Variants in GRIN3A observed in about 807,000 individuals in gnomAD.
GRIN3A encodes the protein glutamate receptor ionotropic, NMDA 3A.
GRIN3A carries 47 observed loss-of-function variants against 92.4 expected under a neutral mutation model. That is an observed-to-expected ratio of 0.51 (90% CI 0.40 to 0.65). The LOEUF is 0.65. GRIN3A is among the 30% of genes least tolerant of loss of function. The probability of loss-of-function intolerance (pLI) is 0.00; values close to 1 mark genes in which losing one functional copy is unlikely to be tolerated. For synonymous variants in GRIN3A, 527 were observed against 540.6 expected (o/e 0.97, Z 0.35); for missense variants, 1,324 against 1,393.1 (o/e 0.95, Z 0.79).
At chr9:101,591,742 C>T (rs1828029371) in intron 6 of GRIN3A, 1 of 152,124 alleles carries the variant, frequency 6.6e-6, no homozygotes, top group Non-Finnish European at 1.5e-5. Context: ...TTCTTTTAAC[C>T]CAAATATCCA....
Position 101,670,190 on chromosome 9 carries a change from G to C in GRIN3A, c.2222C>G (p.Thr741Ser), listed in dbSNP as rs144460934. The C allele has an allele frequency of 1.2e-5, 19 of 1,613,844 alleles. No individual in the cohort carries two copies. The African/African-American group carries it at 2.5e-4, about 22-fold the overall frequency. The change falls in exon 3 of 9, where the codon ACT (threonine) becomes AGT (serine). Residue 741 changes from threonine (T) to serine (S), a missense_variant. Transcript: ENST00000361820. ...CCAAAGGTTCATTAGAAACCTTCCAGTCCAACATTTTGGAGGTTTGATGGC... is the reference window on the plus strand; with the variant it reads ...CCAAAGGTTCATTAGAAACCTTCCACTCCAACATTTTGGAGGTTTGATGGC... ...TVAIKPPKCW[T>S]GRFLMNLWAI...
intron 2 of GRIN3A, among the ~76,000 whole-genome samples, chr9:101,677,308 G>A (rs1252961383): frequency 6.6e-6 from 1 of 151,392 alleles, no homozygotes; most frequent in Non-Finnish European, 1.5e-5. Flanking sequence ...CTGGCATGTG[G>A]GTTAATCTAC....
intron 6 of GRIN3A, chr9:101,592,599 G>C (rs191382771): frequency 7.2e-5 from 11 of 152,308 alleles, no homozygotes; most frequent in Admixed American, 2.6e-4. Flanking sequence ...GATCACCACA[G>C]GGTTGGGAGC....
chr9:101,651,850 C>G (rs1354656380), intron 3 of GRIN3A, among the ~76,000 whole-genome samples: 1 of 151,902 alleles, frequency 6.6e-6, no homozygotes, highest in Non-Finnish European at 1.5e-5. Context: ...ATCCTGAATG[C>G]TATAAATGTT....
intron 3 of GRIN3A, among the ~76,000 whole-genome samples, chr9:101,634,556 G>A (rs1828759178): frequency 6.6e-6 from 1 of 151,700 alleles, no homozygotes; most frequent in African/African-American, 2.4e-5. Flanking sequence ...TGTGATTCGG[G>A]GAGATTAAAC....
At chr9:101,658,003 T>G (rs987859039) in intron 3 of GRIN3A, among the ~76,000 whole-genome samples, 5 of 151,986 alleles carry the variant, frequency 3.3e-5, no homozygotes, top group African/African-American at 1.2e-4. Flanking sequence ...GAGCAGCTTT[T>G]GCAGCCTAAG....
chr9:101,706,578 G>A (rs1473002656), intron 1 of GRIN3A, among the ~76,000 whole-genome samples: 3 of 152,220 alleles, frequency 2.0e-5, no homozygotes, highest in African/African-American at 7.2e-5. Flanking sequence ...TGACATTACT[G>A]CATTTGATTT....
chr9:101,582,918 G>A (rs571770666), intron 6 of GRIN3A, among the ~76,000 whole-genome samples: 10 of 152,176 alleles, frequency 6.6e-5, no homozygotes, highest in East Asian at 3.9e-4. Context: ...CAAATAGGCC[G>A]TATTGTTTAT....
intron 3 of GRIN3A, among the ~76,000 whole-genome samples, chr9:101,642,923 G>A (rs1828885767): frequency 6.6e-6 from 1 of 152,222 alleles, no homozygotes; most frequent in East Asian, 1.9e-4. Context: ...AGGAAAATAA[G>A]CTCAGGGCTC....
intron 5 of GRIN3A, among the ~76,000 whole-genome samples, chr9:101,619,942 T>C (rs1828526658): frequency 6.6e-6 from 1 of 152,238 alleles, no homozygotes; most frequent in Admixed American, 6.5e-5. Context: ...TGCTTTCGCA[T>C]CCTTAATAGT....
At chr9:101,611,436 A>G (rs758532993) in intron 6 of GRIN3A, among the ~76,000 whole-genome samples, 9 of 152,092 alleles carry the variant, frequency 5.9e-5, no homozygotes, top group Non-Finnish European at 1.0e-4. Flanking sequence ...TTCACTAACT[A>G]CATTTTCAAA....
Position 101,670,356 on chromosome 9 carries a change from G to T in GRIN3A, c.2056C>A (p.His686Asn). ...AGAGTGAGGAAGACGGCAGTGATGTGCAGAGCCACAAAAATCCCCAGCCAC... is the reference window on the plus strand; with the variant it reads ...AGAGTGAGGAAGACGGCAGTGATGTTCAGAGCCACAAAAATCCCCAGCCAC... ...TMWLGIFVAL[H>N]ITAVFLTLYE... Residue 686 changes from histidine (H) to asparagine (N), a missense_variant, in exon 3 of 9, where the codon CAC becomes AAC. Transcript: ENST00000361820. 1 of 1,614,018 alleles carries T rather than the reference G, an allele frequency of 6.2e-7. No individual in the cohort carries two copies. The highest frequency in any genetic ancestry group is 8.5e-7 in the Non-Finnish European group (1 of 1,179,958).
rs189749412 is a variant in GRIN3A at position 101,569,438 on chromosome 9, G to A, written c.*3736C>T. 38 of 152,322 alleles carry A rather than the reference G, an allele frequency of 2.5e-4. No homozygotes were observed. Among genetic ancestry groups the A allele is most frequent in the African/African-American group, 8.4e-4 (35 of 41,560 alleles). 9.4% of individuals were successfully genotyped at this position (152,322 alleles called of 1,614,324 possible). On this transcript the variant is annotated 3_prime_UTR_variant, in exon 9 of 9. Coordinates refer to ENST00000361820, the MANE Select transcript of GRIN3A (RefSeq NM_133445.3). ...GGACATCTAATCCATCCATGTGGTT[G>A]TACAAGAAAAGTGGCTGGAGCAAAA...
intron 1 of GRIN3A, among the ~76,000 whole-genome samples, chr9:101,720,276 A>T (rs575297735): frequency 1.3e-5 from 2 of 152,332 alleles, no homozygotes; most frequent in South Asian, 4.1e-4. Context: ...TATTTTTAAA[A>T]TTTGAATTTA....
chr9:101,596,466 C>A (rs1006749222), intron 6 of GRIN3A, among the ~76,000 whole-genome samples: 6 of 152,296 alleles, frequency 3.9e-5, no homozygotes, highest in African/African-American at 1.4e-4. Flanking sequence ...AATTATATTA[C>A]AAGATGCCTA....
intron 3 of GRIN3A, among the ~76,000 whole-genome samples, chr9:101,638,712 A>G (rs12684278): frequency 0.078 from 11,861 of 152,332 alleles, 641 homozygotes; most frequent in East Asian, 0.23. Context: ...ACCAACTTCT[A>G]TAAGTTTATG....
At chr9:101,594,267 T>C (rs1390210312) in intron 6 of GRIN3A, 3 of 1,068,990 alleles carry the variant, frequency 2.8e-6, no homozygotes, top group East Asian at 5.1e-5. Context: ...GAGTTGGTGA[T>C]GAAGCTCCTG....
intron 3 of GRIN3A, among the ~76,000 whole-genome samples, 194 bp downstream of exon 3, chr9:101,669,866 T>G (rs914185110): frequency 6.6e-5 from 10 of 152,134 alleles, no homozygotes; most frequent in African/African-American, 2.2e-4. Flanking sequence ...CTTCTCAGTC[T>G]TTTTGTTTCG....
chr9:101,736,275 A>G (rs746619674), intron 1 of GRIN3A, among the ~76,000 whole-genome samples: 22 of 152,134 alleles, frequency 1.4e-4, no homozygotes, highest in Admixed American at 4.6e-4. Context: ...CCAATTACCT[A>G]TTTGCTTCAT....
Sources: allele counts gnomAD v4.1 joint callset (sites outside exome capture counted in the v4.1 genomes callset), GRCh38; gene constraint gnomAD v4.1.1; transcripts MANE v1.5; gene names NCBI Gene and HGNC (gene_info 2026-07-23, HGNC 2026-07-21).